The following CMKLR1 variants were observed in gnomAD, a reference collection of about 807,000 sequenced individuals.
CMKLR1 encodes the protein chemerin chemokine-like receptor 1.
CMKLR1 carries 6 observed loss-of-function variants against 8.2 expected under a neutral mutation model. The observed-to-expected ratio is 0.73, with a 90% CI of 0.40 to 1.44. The LOEUF is 1.44. Among genes scored for constraint, CMKLR1 ranks in the 40% most tolerant of loss-of-function variants. The pLI is 0.02. For synonymous variants in CMKLR1, 178 were observed against 181.2 expected (o/e 0.98, Z 0.14); for missense variants, 429 against 478.0 (o/e 0.90, Z 0.96).
intron 2 of CMKLR1, among the ~76,000 whole-genome samples, chr12:108,324,617 T>A (rs1413264819): frequency 1.3e-5 from 2 of 152,192 alleles, no homozygotes; most frequent in African/African-American, 4.8e-5. Context: ...ATTATGGCAC[T>A]GAATGCAAAG....
chr12:108,338,755 A>G (rs1261577631), intron 1 of CMKLR1, among the ~76,000 whole-genome samples: 1 of 152,244 alleles, frequency 6.6e-6, no homozygotes, highest in Non-Finnish European at 1.5e-5. Flanking sequence ...TATTGGAAGA[A>G]TATAGGTGAT....
chr12:108,332,453 T>G (rs1292894526), intron 1 of CMKLR1, among the ~76,000 whole-genome samples: 4 of 152,172 alleles, frequency 2.6e-5, no homozygotes, highest in Non-Finnish European at 5.9e-5. Context: ...TCTGTGTGGG[T>G]GTTGCCAAAA....
intron 2 of CMKLR1, among the ~76,000 whole-genome samples, chr12:108,297,871 A>G (rs997353188): frequency 4.6e-5 from 7 of 152,054 alleles, no homozygotes; most frequent in Admixed American, 2.6e-4. Context: ...ATTTCCCTTC[A>G]TCTCCTCCTC....
intron 1 of CMKLR1, among the ~76,000 whole-genome samples, chr12:108,336,657 T>C (rs946141907): frequency 6.6e-6 from 1 of 152,220 alleles, no homozygotes; most frequent in Non-Finnish European, 1.5e-5. Flanking sequence ...GGCGGTAATG[T>C]CTGCACCCAT....
intron 2 of CMKLR1, among the ~76,000 whole-genome samples, chr12:108,320,328 A>G (rs1175478737): frequency 2.0e-5 from 3 of 152,112 alleles, no homozygotes; most frequent in Non-Finnish European, 4.4e-5. Context: ...TGGCATGACT[A>G]GGGGACGAAG....
At position 108,288,104 on chromosome 12, in the gene CMKLR1, C is replaced by T. The variant is rs923249299; in HGVS notation, c.*3737G>A. ...TCCTCAAAGGGAAGAAGTAAGAAGACCCCCTGCTGAATTATTTCACAGTAG... is the reference window on the plus strand; with the variant it reads ...TCCTCAAAGGGAAGAAGTAAGAAGATCCCCTGCTGAATTATTTCACAGTAG... On this transcript the variant is annotated 3_prime_UTR_variant, in exon 4 of 4. Transcript: ENST00000550402. 27 of 152,296 alleles carry T rather than the reference C, an allele frequency of 1.8e-4. No individual in the cohort carries two copies. The highest frequency in any genetic ancestry group is 6.3e-4 in the African/African-American group (26 of 41,554). 9.4% of individuals were successfully genotyped at this position (152,296 alleles called of 1,614,324 possible). A position where few individuals can be genotyped will look rare whatever the true frequency, so the allele number is the denominator to read the frequency against.
intron 2 of CMKLR1, among the ~76,000 whole-genome samples, chr12:108,312,214 C>T (rs1365018426): frequency 2.0e-5 from 3 of 152,190 alleles, no homozygotes. Flanking sequence ...AGATCAGGAT[C>T]GCCAGCCAGT....
intron 1 of CMKLR1, among the ~76,000 whole-genome samples, chr12:108,335,231 G>A (rs1271062877): frequency 6.6e-6 from 1 of 152,140 alleles, no homozygotes; most frequent in Non-Finnish European, 1.5e-5. Flanking sequence ...GCTGCTCTTT[G>A]CCAAGAACCT....
In CMKLR1 at chr12:108,292,267, T is replaced by C; in HGVS notation, c.696A>G (p.Pro232=). Residue 232 remains proline, a synonymous_variant, in exon 4 of 4, where the codon CCA becomes CCG. Coordinates refer to ENST00000550402, the MANE Select transcript of CMKLR1 (RefSeq NM_001142343.2). ...VTRFLCGFLV[P]VLIITACYLT... ...GGTAGCAAGCTGTGATGATGAGGACTGGGACCAGGAAGCCACAGAGGAAGC... is the reference window on the plus strand; with the variant it reads ...GGTAGCAAGCTGTGATGATGAGGACCGGGACCAGGAAGCCACAGAGGAAGC... The C allele has an allele frequency of 6.2e-7, 1 of 1,614,076 alleles. No individual in the cohort carries two copies. The highest frequency in any genetic ancestry group is 8.5e-7 in the Non-Finnish European group (1 of 1,180,006).
Position 108,291,603 on chromosome 12 carries a change from G to T in CMKLR1, c.*238C>A. ...CCTTTTTTGCTTTGAGTCAGTCAAG[G>T]CTGGCCTCCCAAGAAGCATAAATTG... On this transcript the variant is annotated 3_prime_UTR_variant, in exon 4 of 4. Coordinates refer to ENST00000550402, the MANE Select transcript of CMKLR1 (RefSeq NM_001142343.2). 1 of 506,962 alleles carries T rather than the reference G, an allele frequency of 2.0e-6. No homozygotes were observed. Among genetic ancestry groups the T allele is most frequent in the Non-Finnish European group, 3.5e-6 (1 of 288,398 alleles). 31.4% of individuals were successfully genotyped at this position (506,962 alleles called of 1,614,324 possible). A position where few individuals can be genotyped will look rare whatever the true frequency, so the allele number is the denominator to read the frequency against.
chr12:108,296,073 C>A (rs1891125957), intron 2 of CMKLR1, among the ~76,000 whole-genome samples: 1 of 152,154 alleles, frequency 6.6e-6, no homozygotes, highest in African/African-American at 2.4e-5. Flanking sequence ...AAGGGAGGCA[C>A]AAGTCACAGG....
intron 2 of CMKLR1, among the ~76,000 whole-genome samples, chr12:108,318,755 C>T (rs1399821): frequency 0.13 from 20,119 of 152,198 alleles, 2,525 homozygotes; most frequent in African/African-American, 0.3. Flanking sequence ...AGCCAGAGCC[C>T]AAGCCCACAA....
At chr12:108,293,391 G>T (rs777274786) in intron 3 of CMKLR1, among the ~76,000 whole-genome samples, 198 bp downstream of exon 3, 3 of 152,156 alleles carry the variant, frequency 2.0e-5, no homozygotes, top group African/African-American at 7.2e-5. Context: ...GGAGACAATT[G>T]TTCATCAAAA....
chr12:108,334,699 A>C (rs1230372522), intron 1 of CMKLR1, among the ~76,000 whole-genome samples: 1 of 152,226 alleles, frequency 6.6e-6, no homozygotes, highest in Non-Finnish European at 1.5e-5. Flanking sequence ...GGGCCCTAGG[A>C]CAGGAATAAG....
rs367921179 is a variant in CMKLR1 at position 108,292,689 on chromosome 12, G to C, written c.274C>G (p.Leu92Val). The C allele has an allele frequency of 2.2e-5, 36 of 1,614,034 alleles. No individual in the cohort carries two copies. The Middle Eastern group carries it at 1.3e-3, about 59-fold the overall frequency. ...GCGGCATAGGTGATATGGATTGGGA[G>C]GAAGACGTTGAACAGGAAATCTGCC... Reference protein sequence around the residue: ...AVADFLFNVFLPIHITYAAMD... With the variant: ...AVADFLFNVFVPIHITYAAMD... The change falls in exon 4 of 4, where the codon CTC (leucine) becomes GTC (valine). Residue 92 changes from leucine to valine, a missense_variant. Physicochemically the swap from Leu to Val is conservative, Grantham distance 32. Transcript: ENST00000550402.
rs866870584 is a variant in CMKLR1, at chr12:108,292,565, A to G, written c.398T>C (p.Ile133Thr). Residue 133 changes from isoleucine (I) to threonine (T), a missense_variant, in exon 4 of 4, where the codon ATC (isoleucine) becomes ACC (threonine). Transcript: ENST00000550402. ...CACAGAGATGCAGCGGTCAGAGCTG[A>G]TGATGGTCAGCAGGAAGACGCTGGT... Reference protein sequence around the residue: ...MFTSVFLLTIISSDRCISVLL... With the variant: ...MFTSVFLLTITSSDRCISVLL... The G allele has an allele frequency of 1.2e-6, 2 of 1,614,176 alleles. No individual in the cohort carries two copies. Among genetic ancestry groups the G allele is most frequent in the African/African-American group, 1.3e-5 (1 of 75,022 alleles).
intron 2 of CMKLR1, among the ~76,000 whole-genome samples, chr12:108,327,770 C>T (rs186786377): frequency 2.5e-4 from 38 of 152,276 alleles, no homozygotes; most frequent in African/African-American, 8.9e-4. Flanking sequence ...TCCCTTCAGG[C>T]GGTGGAACCA....
At chr12:108,300,492 TGAATGC>T (rs1566020039) in intron 2 of CMKLR1, among the ~76,000 whole-genome samples, 1 of 152,158 alleles carries the variant, frequency 6.6e-6, no homozygotes, top group Non-Finnish European at 1.5e-5. Flanking sequence ...AATGAATGAA[TGAATGC>T]TTGTTTTTCT....
chr12:108,333,708 C>T (rs1399634840), intron 1 of CMKLR1, among the ~76,000 whole-genome samples: 1 of 152,190 alleles, frequency 6.6e-6, no homozygotes, highest in Non-Finnish European at 1.5e-5. Flanking sequence ...GCACTTGGAT[C>T]TGGGATCTAT....
Sources: allele counts gnomAD v4.1 joint callset (sites outside exome capture counted in the v4.1 genomes callset), GRCh38; gene constraint gnomAD v4.1.1; transcripts MANE v1.5; gene names NCBI Gene and HGNC (gene_info 2026-07-23, HGNC 2026-07-21).